The following TCHP variants were observed in gnomAD, a reference collection of about 807,000 sequenced individuals.
TCHP encodes trichoplein keratin filament binding.
Under a neutral mutation model 88.7 loss-of-function variants are expected in TCHP, and 81 were observed. That is an observed-to-expected ratio of 0.91 (90% confidence interval 0.76 to 1.10). The LOEUF is 1.10. Ranked by LOEUF, TCHP falls within the 50% of genes least tolerant of loss-of-function variation. TCHP has a pLI of 0.00. For missense variants in TCHP, 641 were observed against 632.1 expected (o/e 1.01, Z -0.15); for synonymous variants, 232 against 232.5 (o/e 1.00, Z 0.02).
the TCHP span, among the ~76,000 whole-genome samples, chr12:109,886,064 C>T: frequency 6.6e-6 from 1 of 152,196 alleles, no homozygotes; most frequent in East Asian, 1.9e-4. Flanking sequence ...TATCTCATCA[C>T]TCATAAAACC....
At position 109,904,739 on chromosome 12, in the gene TCHP, T is replaced by G; in HGVS notation, c.402T>G (p.Ile134Met). 3.1e-6 allele frequency: 5 copies of G among 1,611,038 alleles called. No homozygotes were observed. The highest frequency in any genetic ancestry group is 4.2e-6 in the Non-Finnish European group (5 of 1,179,278). ...KSAKEEQRKL[I>M]AEQLLYEHWK... ...TCCATTTTGTGTTTTCTTGATAGAT[T>G]GCTGAACAACTTTTGTACGAACACT... The change falls in exon 4 of 13, where the codon ATT (isoleucine) becomes ATG (methionine). Residue 134 changes from isoleucine to methionine, a missense_variant and splice_region_variant. Transcript: ENST00000405876.
intron 8 of TCHP, among the ~76,000 whole-genome samples, chr12:109,909,398 G>A (rs980603041): frequency 5.9e-5 from 9 of 152,220 alleles, no homozygotes; most frequent in African/African-American, 1.9e-4. Flanking sequence ...ATCCCCAGAG[G>A]TGCCTGTTTA....
intron 11 of TCHP, chr12:109,914,833 C>T (rs1249984297): frequency 2.1e-5 from 11 of 534,798 alleles, no homozygotes; most frequent in East Asian, 3.3e-5. Flanking sequence ...TGGGTGAGGC[C>T]GGTACTGCTG....
chr12:109,901,339 T>TTAATGCCTTACCTTGTTTTTACTA (rs1176354797), intron 1 of TCHP, among the ~76,000 whole-genome samples: 1 of 151,556 alleles, frequency 6.6e-6, no homozygotes, highest in South Asian at 2.1e-4. Context: ...ACCTTGCTTT[T>TTAATGCCTTACCTTGTTTTTACTA]AGACTCTTTT....
At chr12:109,885,629 T>C in the TCHP span, among the ~76,000 whole-genome samples, 2 of 152,086 alleles carry the variant, frequency 1.3e-5, no homozygotes, top group South Asian at 4.2e-4. Context: ...CTACAGGCGC[T>C]CACCATCACG....
intron 8 of TCHP, among the ~76,000 whole-genome samples, chr12:109,909,997 G>C (rs538189645): frequency 6.6e-6 from 1 of 152,102 alleles, no homozygotes; most frequent in East Asian, 1.9e-4. Context: ...AAACTAGCCA[G>C]GCATGGTGGT....
the TCHP span, among the ~76,000 whole-genome samples, chr12:109,890,511 ATTT>A: frequency 2.9e-5 from 4 of 137,378 alleles, no homozygotes; most frequent in Non-Finnish European, 3.2e-5. Context: ...TCTTTTTTCT[ATTT>A]TTTTTTTTTT....
Position 109,908,594 on chromosome 12 carries a change from A to C in TCHP, c.708A>C (p.Lys236Asn), listed in dbSNP as rs1870285254. 6.3e-7 allele frequency: 1 copy of C among 1,598,088 alleles called. No homozygotes were observed. Among genetic ancestry groups the C allele is most frequent in the Admixed American group, 1.8e-5 (1 of 55,822 alleles). ...ELKLKEVEAT[K>N]LKKEQENLLK... ...TCTCATCATCACCACAGGCGACCAAACTAAAGAAGGAGCAGGAGAATCTGT... is the reference window on the plus strand; with the variant it reads ...TCTCATCATCACCACAGGCGACCAACCTAAAGAAGGAGCAGGAGAATCTGT... Residue 236 changes from lysine (K) to asparagine (N), a missense_variant, in exon 7 of 13, where the codon AAA becomes AAC. By Grantham distance (94) the Lys-to-Asn change is moderately conservative. Transcript: ENST00000405876.
intron 5 of TCHP, 79 bp downstream of exon 5, chr12:109,906,719 T>G: frequency 2.5e-6 from 3 of 1,222,756 alleles, no homozygotes; most frequent in Non-Finnish European, 3.6e-6. Context: ...TTTACCGTTT[T>G]CAGCATCAGT....
In TCHP at chr12:109,908,567, ACT is replaced by A. The variant is rs745757256; in HGVS notation, c.700-15_700-14del. The A allele has an allele frequency of 1.5e-5, 23 of 1,575,312 alleles. No individual in the cohort carries two copies. The highest frequency in any genetic ancestry group is 1.3e-5 in the African/African-American group (1 of 74,546). On this transcript the variant is annotated splice_polypyrimidine_tract_variant and intron_variant, in intron 6 of 12. Transcript: ENST00000405876. ...ACGATCTCAGATCTCAGTCGAGCTT[ACT>A]CTCATCATCACCACAGGCGACCAAA...
intron 6 of TCHP, among the ~76,000 whole-genome samples, chr12:109,908,353 G>A (rs1870265249): frequency 6.6e-6 from 1 of 152,188 alleles, no homozygotes. Context: ...AGTAAGAGTG[G>A]ACCAGTACAG....
intron 1 of TCHP, among the ~76,000 whole-genome samples, chr12:109,901,558 G>A (rs1167905058): frequency 2.0e-5 from 3 of 152,152 alleles, no homozygotes; most frequent in Non-Finnish European, 2.9e-5. Context: ...AGCAATGTAC[G>A]AAGTTCCCAG....
rs753988712 is a variant in TCHP, at chr12:109,914,568, C to T, written c.1261C>T (p.Arg421Cys). 32 of 1,613,538 alleles carry T rather than the reference C, an allele frequency of 2.0e-5. No individual in the cohort carries two copies. Among genetic ancestry groups the T allele is most frequent in the East Asian group, 6.7e-5 (3 of 44,892 alleles). The stretch of plus-strand genomic sequence containing the variant: ...TGAGGAGGTGAGAGAGTTGGCTCGT[C>T]GCGAGAAAGAGGAGAGTGAAAAGCT... The part of the protein sequence containing the change: ...NLEEVRELAR[R>C]EKEESEKLKS... Residue 421 changes from arginine (R) to cysteine (C), a missense_variant, in exon 11 of 13, where the codon CGC (arginine) becomes TGC (cysteine). Coordinates refer to ENST00000405876, the MANE Select transcript of TCHP (RefSeq NM_001143852.2).
chr12:109,913,161 G>A lies in TCHP; in HGVS notation c.1134+89G>A, dbSNP rs922301316. 1.4e-5 allele frequency: 16 copies of A among 1,179,008 alleles called. No individual in the cohort carries two copies. The African/African-American group carries it at 2.3e-4, about 17-fold the overall frequency. The allele number at this position is 1,179,008 out of a possible 1,614,324, so 73.0% of individuals were successfully genotyped here. On this transcript the variant is annotated intron_variant, in intron 10 of 12. Coordinates refer to ENST00000405876, the MANE Select transcript of TCHP (RefSeq NM_001143852.2). ...GGTCAGTCACCCTGCCAGATGCTCT[G>A]GGAACAGAGTCTTCTCTGGTCATTT...
the TCHP span, among the ~76,000 whole-genome samples, chr12:109,889,413 C>T: frequency 6.6e-6 from 1 of 150,648 alleles, no homozygotes; most frequent in Admixed American, 6.6e-5. Context: ...GCAGAGCTTG[C>T]AGTGAGCCTG....
chr12:109,906,356 G>T (rs1055638586), intron 4 of TCHP, among the ~76,000 whole-genome samples: 2 of 152,162 alleles, frequency 1.3e-5, no homozygotes, highest in African/African-American at 4.8e-5. Context: ...ATTGGTGTAG[G>T]AGTGCCTGGT....
intron 3 of TCHP, among the ~76,000 whole-genome samples, 180 bp downstream of exon 3, chr12:109,904,327 A>C (rs778385776): frequency 6.6e-6 from 1 of 152,206 alleles, no homozygotes; most frequent in Non-Finnish European, 1.5e-5. Flanking sequence ...AGTTAGCTGT[A>C]GTCTCTTTAG....
At chr12:109,881,403 T>G in the TCHP span, among the ~76,000 whole-genome samples, 1 of 152,222 alleles carries the variant, frequency 6.6e-6, no homozygotes, top group Non-Finnish European at 1.5e-5. Context: ...CCATTTGCAA[T>G]AGGGCACATT....
At position 109,903,510 on chromosome 12, in the gene TCHP, C is replaced by T. The variant is rs995335152; in HGVS notation, c.188+296C>T. 2.6e-5 allele frequency among the ~76,000 whole-genome samples: 4 copies of T among 152,170 alleles called. No homozygotes were observed. Among genetic ancestry groups the T allele is most frequent in the African/African-American group, 9.7e-5 (4 of 41,438 alleles). On this transcript the variant is annotated intron_variant, in intron 2 of 12. Transcript: ENST00000405876. This position sits in a 1 kb window ranked among gnomAD's most constrained non-coding sequence, Gnocchi z 4.6. ...GCACATATCCTTCCATGCTGTTTCC[C>T]ACTGGTATTTGTGCTTAAATATACA...
Sources: allele counts gnomAD v4.1 joint callset (sites outside exome capture counted in the v4.1 genomes callset), GRCh38; gene constraint gnomAD v4.1.1; non-coding constraint Gnocchi (gnomAD v3.1); transcripts MANE v1.5; gene names NCBI Gene and HGNC (gene_info 2026-07-23, HGNC 2026-07-21).